Variants in SLC12A7 observed in about 807,000 individuals in gnomAD.
SLC12A7 encodes solute carrier family 12 member 7.
SLC12A7 carries 100 observed loss-of-function variants against 120.6 expected under a neutral mutation model. That is an observed-to-expected ratio of 0.83 (90% CI 0.71 to 0.98). SLC12A7 has a LOEUF of 0.98. SLC12A7 is among the 50% of genes least tolerant of loss of function. SLC12A7 has a pLI of 0.00. For synonymous variants in SLC12A7, 760 were observed against 678.0 expected (o/e 1.12, Z -1.88); for missense variants, 1,373 against 1,548.1 (o/e 0.89, Z 1.90).
intron 8 of SLC12A7, 115 bp downstream of exon 8, chr5:1,083,629 GC>G (rs1739466772): frequency 9.2e-7 from 1 of 1,092,324 alleles, no homozygotes; most frequent in African/African-American, 1.6e-5. Flanking sequence ...AAGGGGCTCG[GC>G]CAGGCAGGAG....
chr5:1,085,083 G>T, intron 7 of SLC12A7, 149 bp downstream of exon 7: 2 of 1,123,426 alleles, frequency 1.8e-6, no homozygotes, highest in Non-Finnish European at 2.5e-6. Context: ...TCCCCAGAAC[G>T]AGCCCACGGG....
intron 1 of SLC12A7, among the ~76,000 whole-genome samples, chr5:1,111,206 A>G (rs1449034611): frequency 2.0e-5 from 3 of 152,024 alleles, no homozygotes; most frequent in Non-Finnish European, 2.9e-5. Flanking sequence ...TGGAGGGAAC[A>G]GGGCTGGGGG....
intron 1 of SLC12A7, among the ~76,000 whole-genome samples, chr5:1,110,288 A>C (rs1207736022): frequency 6.6e-6 from 1 of 152,206 alleles, no homozygotes; most frequent in Non-Finnish European, 1.5e-5. Flanking sequence ...CCAGAAGCCC[A>C]CACCTGGCCC....
the SLC12A7 span, among the ~76,000 whole-genome samples, chr5:1,148,426 C>G: frequency 2.0e-5 from 3 of 152,134 alleles, no homozygotes; most frequent in African/African-American, 7.2e-5. Context: ...AGGATGGTCT[C>G]TATCTCCTGA....
intron 16 of SLC12A7, 89 bp downstream of exon 16, chr5:1,074,478 C>T (rs1011007001): frequency 4.1e-6 from 5 of 1,226,184 alleles, no homozygotes; most frequent in African/African-American, 3.0e-5. Context: ...GTGAGAGGCC[C>T]CTGAGACTCA....
chr5:1,061,643 C>T (rs1248102384), intron 20 of SLC12A7, among the ~76,000 whole-genome samples: 1 of 152,214 alleles, frequency 6.6e-6, no homozygotes, highest in Non-Finnish European at 1.5e-5. Flanking sequence ...GCCTGTTAAG[C>T]ACCAGTATTT....
chr5:1,063,225 C>T (rs775522031), intron 20 of SLC12A7, among the ~76,000 whole-genome samples: 23 of 152,224 alleles, frequency 1.5e-4, no homozygotes, highest in South Asian at 2.1e-4. Context: ...GTCTGTCCCA[C>T]GTGACAGCTG....
the SLC12A7 span, among the ~76,000 whole-genome samples, chr5:1,153,318 A>G: frequency 6.6e-6 from 1 of 152,234 alleles, no homozygotes; most frequent in Admixed American, 6.5e-5. Flanking sequence ...CACCTGCTCC[A>G]TCCAGGATTA....
chr5:1,120,636 G>C, the SLC12A7 span, among the ~76,000 whole-genome samples: 3 of 152,192 alleles, frequency 2.0e-5, no homozygotes, highest in African/African-American at 7.2e-5. Flanking sequence ...ACACACAAAG[G>C]CCTTCCTGGG....
chr5:1,140,441 G>T, the SLC12A7 span, among the ~76,000 whole-genome samples: 1 of 152,226 alleles, frequency 6.6e-6, no homozygotes, highest in Non-Finnish European at 1.5e-5. Flanking sequence ...GAGGAAACAG[G>T]TGCAGCTCCA....
At chr5:1,088,892 G>A in intron 4 of SLC12A7, 90 bp downstream of exon 4, 2 of 1,529,654 alleles carry the variant, frequency 1.3e-6, no homozygotes, top group Non-Finnish European at 1.8e-6. Flanking sequence ...CACAACCACA[G>A]CGGCCAGGGG....
the SLC12A7 span, among the ~76,000 whole-genome samples, chr5:1,154,390 C>CAG: frequency 1.0e-3 from 151 of 151,276 alleles, no homozygotes; most frequent in South Asian, 2.3e-3. Flanking sequence ...CACACACACA[C>CAG]AGAGACACAT....
the SLC12A7 span, among the ~76,000 whole-genome samples, chr5:1,138,559 C>G: frequency 6.6e-6 from 1 of 152,236 alleles, no homozygotes; most frequent in Admixed American, 6.5e-5. Flanking sequence ...CTCTCCTCGT[C>G]TGTTTCTGAT....
At chr5:1,115,788 G>T (rs776474339), upstream of SLC12A7, among the ~76,000 whole-genome samples, 2 of 151,578 alleles carry the variant, frequency 1.3e-5, no homozygotes, top group Non-Finnish European at 2.9e-5. Context: ...CATGGTGAGT[G>T]GGGGAGAGAG....
At position 1,078,539 on chromosome 5, in the gene SLC12A7, C is replaced by T. The variant is rs539390369; in HGVS notation, c.1454+162G>A. ...AGGCCCTAGGCTCCAGCGGAAGAGA[C>T]GACACATCAGACCAAGGGATCCCAA... On this transcript the variant is annotated intron_variant, in intron 11 of 23. Transcript: ENST00000264930. The T allele has an allele frequency of 1.5e-4, 100 of 663,394 alleles. 2 individuals are homozygous for T. Among genetic ancestry groups the T allele is most frequent in the Middle Eastern group, 1.0e-3 (4 of 3,902 alleles). The allele number at this position is 663,394 out of a possible 1,614,324, so 41.1% of individuals were successfully genotyped here. A position where few individuals can be genotyped will look rare whatever the true frequency, so the allele number is the denominator to read the frequency against.
rs929865402 is a variant in SLC12A7 at position 1,051,878 on chromosome 5, C to T, written c.*482G>A. ...AAGACAGTCAAGGAACAGAGTGACTCGGAGGTGACCGGGGCCCTGAGCGGA... is the reference window on the plus strand; with the variant it reads ...AAGACAGTCAAGGAACAGAGTGACTTGGAGGTGACCGGGGCCCTGAGCGGA... On this transcript the variant is annotated 3_prime_UTR_variant, in exon 24 of 24. Transcript: ENST00000264930. 6.6e-5 allele frequency: 11 copies of T among 166,136 alleles called. No homozygotes were observed. Among genetic ancestry groups the T allele is most frequent in the South Asian group, 1.7e-4 (1 of 5,978 alleles). The allele number at this position is 166,136 out of a possible 1,614,324, so 10.3% of individuals were successfully genotyped here.
At position 1,052,291 on chromosome 5, in the gene SLC12A7, C is replaced by A. The variant is rs778735600; in HGVS notation, c.*69G>T. The A allele has an allele frequency of 3.7e-6, 5 of 1,346,988 alleles. No individual in the cohort carries two copies. The Admixed American group carries it at 6.8e-5, about 18-fold the overall frequency. 83.4% of individuals were successfully genotyped at this position (1,346,988 alleles called of 1,614,324 possible). The stretch of plus-strand genomic sequence containing the variant: ...GTGTCTGCCGTCTGTTTCCCTGGGC[C>A]AAGCCCAGGCCCAGGCTGCCCACGC... On this transcript the variant is annotated 3_prime_UTR_variant, in exon 24 of 24. Transcript: ENST00000264930.
At chr5:1,134,227 T>C in the SLC12A7 span, among the ~76,000 whole-genome samples, 1 of 152,096 alleles carries the variant, frequency 6.6e-6, no homozygotes, top group Admixed American at 6.5e-5. Context: ...CCCAGCACTT[T>C]TGGAGGCCAA....
intron 22 of SLC12A7, among the ~76,000 whole-genome samples, chr5:1,055,716 G>C (rs532651418): frequency 1.2e-3 from 186 of 152,366 alleles, no homozygotes; most frequent in South Asian, 3.7e-3. Flanking sequence ...GAGTGTGTGT[G>C]CCTGTGCATG....
Sources: gnomAD v4.1 joint callset for allele counts (sites outside exome capture counted in the v4.1 genomes callset) on GRCh38, gnomAD v4.1.1 for gene constraint, MANE v1.5 for transcripts, NCBI Gene and HGNC (gene_info 2026-07-23, HGNC 2026-07-21) for gene names.